The following CSGALNACT1 variants were observed in gnomAD, a reference collection of about 807,000 sequenced individuals.
The protein encoded by CSGALNACT1 is beta4GalNAcT-1.
CSGALNACT1 carries 52 observed loss-of-function variants against 51.0 expected under a neutral mutation model. The observed-to-expected ratio is 1.02, with a 90% CI of 0.82 to 1.29. CSGALNACT1 has a LOEUF of 1.29. Ranked by LOEUF, CSGALNACT1 falls within the 50% of genes most tolerant of loss-of-function variation. The probability of loss-of-function intolerance (pLI) is 0.00; values close to 1 mark genes in which losing one functional copy is unlikely to be tolerated. For synonymous variants in CSGALNACT1, 341 were observed against 254.4 expected (o/e 1.34, Z -3.24); for missense variants, 935 against 679.2 (o/e 1.38, Z -4.19).
chr8:19,756,923 G>C (rs1353126205), intron 1 of CSGALNACT1, among the ~76,000 whole-genome samples: 1 of 151,568 alleles, frequency 6.6e-6, no homozygotes, highest in African/African-American at 2.4e-5. Context: ...CTCCCTCCGC[G>C]TCCCCGCGCG....
At chr8:19,672,461 T>C (rs1295098893) in intron 1 of CSGALNACT1, among the ~76,000 whole-genome samples, 1 of 152,238 alleles carries the variant, frequency 6.6e-6, no homozygotes, top group Non-Finnish European at 1.5e-5. Flanking sequence ...CTCAGACATA[T>C]TCAGCATCGC....
exon 10 of CSGALNACT1, chr8:19,404,499 C>G (rs561215350): frequency 2.2e-6 from 1 of 453,678 alleles, no homozygotes; most frequent in Non-Finnish European, 4.4e-6. Flanking sequence ...TCGAGTAGAA[C>G]TGCTTAATTT....
rs150485769 is a variant in CSGALNACT1, at chr8:19,619,374, T to C, written c.-543-17509A>G. Among the ~76,000 whole-genome samples, 525 of 151,984 alleles carry C rather than the reference T, an allele frequency of 3.5e-3. 4 individuals are homozygous for C. Among genetic ancestry groups the C allele is most frequent in the African/African-American group, 0.012 (493 of 41,468 alleles). On this transcript the variant is annotated intron_variant, in intron 1 of 9. Transcript: ENST00000332246. ...AGGAGTGTGGAAGGGAGCGAGTCTATAGAGGAGGCTGGGAACCTCTGCGAA... is the reference window on the plus strand; with the variant it reads ...AGGAGTGTGGAAGGGAGCGAGTCTACAGAGGAGGCTGGGAACCTCTGCGAA...
At chr8:19,553,640 A>ATATATATATATATATATATATAAAT (rs201836569) in intron 3 of CSGALNACT1, among the ~76,000 whole-genome samples, 3 of 117,044 alleles carry the variant, frequency 2.6e-5, no homozygotes, top group Admixed American at 2.4e-4. Context: ...TATATATATA[A>ATATATATATATATATATATATAAAT]AAAAATATGT....
chr8:19,509,762 G>C (rs2154007739), intron 3 of CSGALNACT1, among the ~76,000 whole-genome samples: 1 of 152,132 alleles, frequency 6.6e-6, no homozygotes, highest in South Asian at 2.1e-4. Flanking sequence ...CTGAGCAACA[G>C]TGGGAGAATT....
intron 3 of CSGALNACT1, among the ~76,000 whole-genome samples, chr8:19,541,417 A>AT (rs1011735707): frequency 1.3e-5 from 2 of 150,398 alleles, no homozygotes; most frequent in South Asian, 2.1e-4. Context: ...CACCCGGCTA[A>AT]TTTTTTTTGT....
At chr8:19,503,710 G>A (rs914513012) in intron 4 of CSGALNACT1, among the ~76,000 whole-genome samples, 2 of 151,472 alleles carry the variant, frequency 1.3e-5, no homozygotes, top group African/African-American at 2.4e-5. Flanking sequence ...CTCTTACTGT[G>A]TGCTTACCAT....
rs555489830 is a variant in CSGALNACT1 at position 19,646,978 on chromosome 8, T to C, written c.-544+35495A>G. Among the ~76,000 whole-genome samples, 3 of 152,194 alleles carry C rather than the reference T, an allele frequency of 2.0e-5. No homozygotes were observed. The South Asian group carries it at 6.2e-4, about 32-fold the overall frequency. On this transcript the variant is annotated intron_variant, in intron 1 of 9. Coordinates refer to the CSGALNACT1 transcript ENST00000332246. The stretch of plus-strand genomic sequence containing the variant: ...ACCAAGAATACATGCATGACCTCCT[T>C]TGGCCTGTAAAACATGGTGAAAGCT...
chr8:19,616,678 C>A (rs947358843), intron 1 of CSGALNACT1, among the ~76,000 whole-genome samples: 2 of 151,126 alleles, frequency 1.3e-5, no homozygotes, highest in Non-Finnish European at 2.9e-5. Context: ...TACCTCCCCC[C>A]TCATTCTCTC....
chr8:19,730,802 T>C (rs947919409), intron 1 of CSGALNACT1, among the ~76,000 whole-genome samples: 5 of 152,202 alleles, frequency 3.3e-5, no homozygotes, highest in Admixed American at 2.6e-4. Context: ...AACACTGAAA[T>C]AGCTCTCTTG....
intron 3 of CSGALNACT1, among the ~76,000 whole-genome samples, chr8:19,542,485 T>G (rs993643063): frequency 7.9e-5 from 12 of 152,146 alleles, no homozygotes; most frequent in Non-Finnish European, 1.8e-4. Context: ...CGGTCTATTT[T>G]TCTCCTTTCC....
intron 2 of CSGALNACT1, among the ~76,000 whole-genome samples, chr8:19,592,124 A>C (rs1410804940): frequency 6.6e-6 from 1 of 152,230 alleles, no homozygotes; most frequent in African/African-American, 2.4e-5. Context: ...ACGCTATGAA[A>C]ATGCTTCAGG....
At chr8:19,588,147 A>G (rs1300698587) in intron 3 of CSGALNACT1, 2 of 152,142 alleles carry the variant, frequency 1.3e-5, no homozygotes, top group African/African-American at 4.8e-5. Flanking sequence ...GTAAGCAGAA[A>G]TCACACCATT....
intron 4 of CSGALNACT1, among the ~76,000 whole-genome samples, chr8:19,498,085 G>C (rs1291999520): frequency 1.3e-5 from 2 of 152,140 alleles, no homozygotes; most frequent in Admixed American, 1.3e-4. Flanking sequence ...CTCAGGCTGT[G>C]TCAACGGGCA....
At chr8:19,622,091 G>A (rs2053896556) in intron 1 of CSGALNACT1, among the ~76,000 whole-genome samples, 1 of 152,162 alleles carries the variant, frequency 6.6e-6, no homozygotes, top group African/African-American at 2.4e-5. Flanking sequence ...ACAGAATTTG[G>A]AAGAAAAGCA....
At chr8:19,474,099 A>C (rs1327825485) in intron 4 of CSGALNACT1, among the ~76,000 whole-genome samples, 1 of 152,188 alleles carries the variant, frequency 6.6e-6, no homozygotes, top group African/African-American at 2.4e-5. Flanking sequence ...AAATAATAAC[A>C]ATGGTCCAGA....
At chr8:19,406,529 G>A (rs1022688623) in intron 9 of CSGALNACT1, among the ~76,000 whole-genome samples, 4 of 145,726 alleles carry the variant, frequency 2.7e-5, no homozygotes, top group Non-Finnish European at 4.5e-5. Context: ...TACCTCCCAT[G>A]ACCCTGATGT....
At chr8:19,732,686 C>G (rs2154246463) in intron 1 of CSGALNACT1, 1 of 152,242 alleles carries the variant, frequency 6.6e-6, no homozygotes, top group South Asian at 2.1e-4. Context: ...ACACTTTAGG[C>G]AATAGATCAA....
chr8:19,573,380 C>T (rs184496693), intron 3 of CSGALNACT1, among the ~76,000 whole-genome samples: 24 of 152,300 alleles, frequency 1.6e-4, no homozygotes, highest in African/African-American at 5.5e-4. Flanking sequence ...AAAACCTTGG[C>T]AGGTGCCAGG....
Sources: allele counts gnomAD v4.1 joint callset (sites outside exome capture counted in the v4.1 genomes callset), GRCh38; gene constraint gnomAD v4.1.1; transcripts MANE v1.5; gene names NCBI Gene and HGNC (gene_info 2026-07-23, HGNC 2026-07-21).